NEMP2: variants seen among roughly 807,000 people sequenced by gnomAD.
The protein encoded by NEMP2 is nuclear envelope integral membrane protein 2, also known as UPF0571 transmembrane protein.
NEMP2 carries 53 observed loss-of-function variants against 54.2 expected under a neutral mutation model. That is an observed-to-expected ratio of 0.98 (90% CI 0.78 to 1.23). The LOEUF is 1.23. Among genes scored for constraint, NEMP2 ranks in the 50% most tolerant of loss-of-function variants. NEMP2 has a pLI of 0.00. For synonymous variants in NEMP2, 197 were observed against 190.3 expected, an observed-to-expected ratio of 1.04 and a Z score of -0.29; for missense variants, 455 against 511.3, an observed-to-expected ratio of 0.89 and a Z score of 1.06.
At chr2:190,609,816 G>A in the NEMP2 span, 2 of 152,184 alleles carry the variant, frequency 1.3e-5, no homozygotes, top group Non-Finnish European at 2.9e-5. This position sits in a 1 kb window ranked among gnomAD's most constrained non-coding sequence, Gnocchi z 4.7. Flanking sequence ...ATCATTATGG[G>A]GACTGAATGC....
At chr2:190,515,266 G>T (rs1690512916) in intron 6 of NEMP2, among the ~76,000 whole-genome samples, 1 of 152,160 alleles carries the variant, frequency 6.6e-6, no homozygotes, top group African/African-American at 2.4e-5. Context: ...CAGAAGAGAA[G>T]AATATGTTAA....
chr2:190,475,537 A>G, the NEMP2 span, among the ~76,000 whole-genome samples: 96 of 152,350 alleles, frequency 6.3e-4, no homozygotes, highest in African/African-American at 2.1e-3. Flanking sequence ...GAGAACTACA[A>G]ACCACTGCTC....
chr2:190,460,668 G>C, the NEMP2 span, among the ~76,000 whole-genome samples: 1 of 152,176 alleles, frequency 6.6e-6, no homozygotes, highest in African/African-American at 2.4e-5. Context: ...GTGTTGTGAG[G>C]AGAGGCACGT....
chr2:190,522,720 T>G lies in NEMP2; in HGVS notation c.213+2543A>C, dbSNP rs370335794. 2.6e-5 allele frequency among the ~76,000 whole-genome samples: 4 copies of G among 152,244 alleles called. No homozygotes were observed. Among genetic ancestry groups the G allele is most frequent in the African/African-American group, 9.6e-5 (4 of 41,468 alleles). ...TCTATTCTCTCTAAAGCCTGCTACC[T>G]GGAGGCTTCATCTCCATGATAAAAC... On this transcript the variant is annotated intron_variant, in intron 2 of 8. Coordinates refer to ENST00000409150, the MANE Select transcript of NEMP2 (RefSeq NM_001142645.2). The surrounding 1 kb of genome is among the most constrained non-coding windows in gnomAD (Gnocchi z 5.0).
At chr2:190,482,797 C>G in the NEMP2 span, among the ~76,000 whole-genome samples, 24 of 140,574 alleles carry the variant, frequency 1.7e-4, no homozygotes, top group African/African-American at 5.8e-4. Flanking sequence ...GTATTTGGGG[C>G]ATTTAAAAAA....
At position 190,513,327 on chromosome 2, in the gene NEMP2, T is replaced by C. The variant is rs1430709502; in HGVS notation, c.953+1126A>G. On this transcript the variant is annotated intron_variant, in intron 7 of 8. Coordinates refer to ENST00000409150, the MANE Select transcript of NEMP2 (RefSeq NM_001142645.2). The surrounding 1 kb of genome is among the most constrained non-coding windows in gnomAD (Gnocchi z 5.3). ...ACCAGCAGATCTGGCAATACAGGAC[T>C]CATATTCCCACACATGAGCAATCAG... Among the ~76,000 whole-genome samples, 2 of 152,246 alleles carry C rather than the reference T, an allele frequency of 1.3e-5. No homozygotes were observed. The highest frequency in any genetic ancestry group is 4.8e-5 in the African/African-American group (2 of 41,458).
At chr2:190,436,515 GATTCGCCCAA>G in the NEMP2 span, 1 of 1,614,192 alleles carries the variant, frequency 6.2e-7, no homozygotes, top group South Asian at 1.1e-5. This position sits in a 1 kb window ranked among gnomAD's most constrained non-coding sequence, Gnocchi z 5.3. Context: ...GTGTACCAAA[GATTCGCCCAA>G]CAACTCACCC....
the NEMP2 span, among the ~76,000 whole-genome samples, chr2:190,465,345 G>A: frequency 6.6e-6 from 1 of 151,948 alleles, no homozygotes; most frequent in African/African-American, 2.4e-5. This position sits in a 1 kb window ranked among gnomAD's most constrained non-coding sequence, Gnocchi z 4.6. Flanking sequence ...CTGACTTCCT[G>A]TTCTGAAATA....
At position 190,512,050 on chromosome 2, in the gene NEMP2, A is replaced by G. The variant is rs556652608; in HGVS notation, c.954-1513T>C. On this transcript the variant is annotated intron_variant, in intron 7 of 8. Transcript: ENST00000409150. The surrounding 1 kb of genome is among the most constrained non-coding windows in gnomAD (Gnocchi z 4.5). ...TTATCTTTTAAAGATCTTATAGTTG[A>G]TGAGCTAGATCAAGGAAACAGTGAT... Among the ~76,000 whole-genome samples, 4 of 151,826 alleles carry G rather than the reference A, an allele frequency of 2.6e-5. No individual in the cohort carries two copies. Among genetic ancestry groups the G allele is most frequent in the Non-Finnish European group, 5.9e-5 (4 of 67,956 alleles).
At chr2:190,567,961 TA>T in the NEMP2 span, 1 of 152,086 alleles carries the variant, frequency 6.6e-6, no homozygotes, top group African/African-American at 2.4e-5. This position sits in a 1 kb window ranked among gnomAD's most constrained non-coding sequence, Gnocchi z 4.0. Flanking sequence ...TAATTTCTTT[TA>T]AACCTAGAAT....
chr2:190,488,617 T>G, the NEMP2 span: 2 of 1,408,616 alleles, frequency 1.4e-6, no homozygotes, highest in Non-Finnish European at 1.9e-6. The surrounding 1 kb of genome is among the most constrained non-coding windows in gnomAD (Gnocchi z 6.4). Context: ...GCCTAAGAAA[T>G]GCTAACCAAC....
chr2:190,599,296 C>T, the NEMP2 span, among the ~76,000 whole-genome samples: 1 of 152,120 alleles, frequency 6.6e-6, no homozygotes, highest in Non-Finnish European at 1.5e-5. Context: ...AATTCTGTTT[C>T]CTGTCACTAT....
At chr2:190,572,836 TATA>T in the NEMP2 span, among the ~76,000 whole-genome samples, 1,272 of 93,886 alleles carry the variant, frequency 0.014, 45 homozygotes, top group African/African-American at 0.03. Context: ...TTCATGAGTA[TATA>T]TATATATATA....
chr2:190,576,140 A>T, the NEMP2 span, among the ~76,000 whole-genome samples: 1 of 151,916 alleles, frequency 6.6e-6, no homozygotes, highest in Non-Finnish European at 1.5e-5. Flanking sequence ...GGCTTATTTT[A>T]AAATTTTTTT....
chr2:190,625,282 G>A, the NEMP2 span: 2 of 152,172 alleles, frequency 1.3e-5, no homozygotes, highest in African/African-American at 4.8e-5. Flanking sequence ...AAAAAAGATA[G>A]ATGAACCTTG....
At chr2:190,489,228 G>A in the NEMP2 span, among the ~76,000 whole-genome samples, 1 of 152,196 alleles carries the variant, frequency 6.6e-6, no homozygotes, top group East Asian at 1.9e-4. This position sits in a 1 kb window ranked among gnomAD's most constrained non-coding sequence, Gnocchi z 6.6. Context: ...GCTGGCTTTG[G>A]TAATGCTACT....
Position 190,513,675 on chromosome 2 carries a change from C to T in NEMP2, c.953+778G>A, listed in dbSNP as rs1356873905. Among the ~76,000 whole-genome samples, 2 of 152,228 alleles carry T rather than the reference C, an allele frequency of 1.3e-5. No homozygotes were observed. Among genetic ancestry groups the T allele is most frequent in the African/African-American group, 4.8e-5 (2 of 41,444 alleles). On this transcript the variant is annotated intron_variant, in intron 7 of 8. Coordinates refer to ENST00000409150, the MANE Select transcript of NEMP2 (RefSeq NM_001142645.2). The surrounding 1 kb of genome is among the most constrained non-coding windows in gnomAD (Gnocchi z 5.3). ...GATGGTACCAAACTGGGCTTTCTCTCCATCAGGAAAGCCCTCCGCATTTAT... is the reference window on the plus strand; with the variant it reads ...GATGGTACCAAACTGGGCTTTCTCTTCATCAGGAAAGCCCTCCGCATTTAT...
At chr2:190,496,699 T>C in the NEMP2 span, among the ~76,000 whole-genome samples, 1 of 152,034 alleles carries the variant, frequency 6.6e-6, no homozygotes, top group African/African-American at 2.4e-5. This position sits in a 1 kb window ranked among gnomAD's most constrained non-coding sequence, Gnocchi z 4.7. Flanking sequence ...CACACACATA[T>C]ACATACATAC....
the NEMP2 span, among the ~76,000 whole-genome samples, chr2:190,575,133 G>C: frequency 1.3e-5 from 2 of 151,948 alleles, no homozygotes; most frequent in Non-Finnish European, 2.9e-5. Flanking sequence ...GGGATTACAG[G>C]TGTGAGCCAC....
Sources: allele counts gnomAD v4.1 joint callset (sites outside exome capture counted in the v4.1 genomes callset), GRCh38; gene constraint gnomAD v4.1.1; non-coding constraint Gnocchi (gnomAD v3.1); transcripts MANE v1.5; gene names NCBI Gene and HGNC (gene_info 2026-07-23, HGNC 2026-07-21).